Variants in GRM5 observed in about 807,000 individuals in gnomAD.
GRM5 encodes the protein metabotropic glutamate receptor 5.
GRM5 carries 19 observed loss-of-function variants against 83.1 expected under a neutral mutation model. That is an observed-to-expected ratio of 0.23 (90% confidence interval 0.16 to 0.34). GRM5 has a LOEUF of 0.34. Ranked by LOEUF, GRM5 falls within the 10% of genes least tolerant of loss-of-function variation. The pLI, the probability that GRM5 is intolerant of heterozygous loss-of-function variation, is 1.00. For missense variants in GRM5, 1,160 were observed against 1,588.3 expected (o/e 0.73, Z 4.58); for synonymous variants, 675 against 633.6 (o/e 1.07, Z -0.98).
At chr11:88,612,832 C>A (rs138227931) in intron 4 of GRM5, 1 of 152,236 alleles carries the variant, frequency 6.6e-6, no homozygotes, top group African/African-American at 2.4e-5. Flanking sequence ...CACAAATTTG[C>A]GTGTCATCCT....
chr11:89,064,659 A>G (rs1389812389), intron 1 of GRM5, among the ~76,000 whole-genome samples: 2 of 151,948 alleles, frequency 1.3e-5, no homozygotes, highest in African/African-American at 4.8e-5. Context: ...CAATAGAGAA[A>G]CTGAGTACAT....
chr11:88,548,795 A>G (rs1276521181), intron 8 of GRM5, among the ~76,000 whole-genome samples: 1 of 152,188 alleles, frequency 6.6e-6, no homozygotes, highest in Non-Finnish European at 1.5e-5. Flanking sequence ...ATGAACTACT[A>G]TTGAGTGTTG....
At chr11:88,819,983 C>A (rs1943758419) in intron 3 of GRM5, among the ~76,000 whole-genome samples, 1 of 152,144 alleles carries the variant, frequency 6.6e-6, no homozygotes, top group African/African-American at 2.4e-5. Flanking sequence ...GAGCTCAAAG[C>A]CCTTATGACC....
intron 3 of GRM5, among the ~76,000 whole-genome samples, chr11:88,735,468 A>G (rs542672657): frequency 2.0e-5 from 3 of 152,086 alleles, no homozygotes; most frequent in East Asian, 1.9e-4. Flanking sequence ...CCACATAGCA[A>G]TCTGCAATAA....
chr11:88,668,292 A>AACACACAC (rs1297146419), intron 3 of GRM5, among the ~76,000 whole-genome samples: 1 of 90,142 alleles, frequency 1.1e-5, no homozygotes, highest in Non-Finnish European at 2.3e-5. Context: ...CATCCCCAGA[A>AACACACAC]ACTCGCACAC....
At chr11:88,624,998 T>G (rs1347201626) in intron 4 of GRM5, among the ~76,000 whole-genome samples, 1 of 152,198 alleles carries the variant, frequency 6.6e-6, no homozygotes, top group Non-Finnish European at 1.5e-5. Flanking sequence ...TTTACTTATG[T>G]GATACAGTCT....
At chr11:88,721,852 G>C (rs1222850397) in intron 3 of GRM5, among the ~76,000 whole-genome samples, 1 of 152,126 alleles carries the variant, frequency 6.6e-6, no homozygotes, top group Non-Finnish European at 1.5e-5. Flanking sequence ...GGAAAAGACA[G>C]CTTTTGTTCT....
rs965604234 is a variant in GRM5 at position 88,505,943 on chromosome 11, G to C, written c.*2649C>G. The C allele has an allele frequency of 1.3e-5, 2 of 152,036 alleles. No homozygotes were observed. Among genetic ancestry groups the C allele is most frequent in the Non-Finnish European group, 2.9e-5 (2 of 67,986 alleles). 9.4% of individuals were successfully genotyped at this position (152,036 alleles called of 1,614,324 possible). ...ACTGTAGAGTTATTACTTGGAACCT[G>C]GTATTAGAATTGGCAAAGAGACAGA... is the stretch of plus-strand genomic sequence containing the variant. On this transcript the variant is annotated 3_prime_UTR_variant, in exon 10 of 10. Transcript: ENST00000305447.
At chr11:88,695,277 T>C (rs1454393379) in intron 3 of GRM5, among the ~76,000 whole-genome samples, 1 of 152,192 alleles carries the variant, frequency 6.6e-6, no homozygotes, top group East Asian at 1.9e-4. Context: ...TAATATGCAG[T>C]TCTTAGATGT....
intron 3 of GRM5, among the ~76,000 whole-genome samples, chr11:88,723,013 A>G (rs895079222): frequency 4.6e-5 from 7 of 152,026 alleles, no homozygotes; most frequent in African/African-American, 1.7e-4. Flanking sequence ...TGCCCTGCCC[A>G]TTCATCCTTC....
At position 88,890,888 on chromosome 11, in the gene GRM5, G is replaced by T. The variant is rs866998568; in HGVS notation, c.662-40733C>A. On this transcript the variant is annotated intron_variant, in intron 2 of 9. Transcript: ENST00000305447. Reference sequence around the variant, plus strand: ...TTGAGATCACTGAACAGTTTTAAAGGCAAGGTGTATAAAAACAGTAAAATG... The same window carrying T: ...TTGAGATCACTGAACAGTTTTAAAGTCAAGGTGTATAAAAACAGTAAAATG... 1.3e-3 allele frequency among the ~76,000 whole-genome samples: 203 copies of T among 152,184 alleles called. 11 individuals are homozygous for T. The highest frequency in any genetic ancestry group is 6.8e-3 in the Middle Eastern group (2 of 294).
intron 4 of GRM5, among the ~76,000 whole-genome samples, chr11:88,625,422 T>C (rs1340028075): frequency 6.6e-6 from 1 of 152,200 alleles, no homozygotes; most frequent in Non-Finnish European, 1.5e-5. Context: ...CAAATTATTA[T>C]ACAAAGAGTA....
At chr11:88,616,609 GA>G (rs1938493559) in intron 4 of GRM5, among the ~76,000 whole-genome samples, 1 of 152,026 alleles carries the variant, frequency 6.6e-6, no homozygotes, top group African/African-American at 2.4e-5. Context: ...TAATGGATAG[GA>G]TGTGGAGTGT....
At chr11:88,997,865 T>C (rs1940241210) in intron 2 of GRM5, among the ~76,000 whole-genome samples, 1 of 152,186 alleles carries the variant, frequency 6.6e-6, no homozygotes, top group African/African-American at 2.4e-5. Context: ...TGGAGAAATT[T>C]ATCAAGCATT....
intron 2 of GRM5, among the ~76,000 whole-genome samples, chr11:88,916,433 A>G (rs573562656): frequency 1.3e-5 from 2 of 152,226 alleles, no homozygotes; most frequent in East Asian, 3.9e-4. Flanking sequence ...AATGCAAGGC[A>G]GAATTCAGCC....
At chr11:88,883,746 C>A (rs1465291919) in intron 2 of GRM5, among the ~76,000 whole-genome samples, 1 of 152,102 alleles carries the variant, frequency 6.6e-6, no homozygotes, top group Non-Finnish European at 1.5e-5. Context: ...AATGGGCAGA[C>A]CCCAGGGCCC....
At chr11:88,650,444 A>G (rs1939600791) in intron 4 of GRM5, among the ~76,000 whole-genome samples, 2 of 151,962 alleles carry the variant, frequency 1.3e-5, no homozygotes, top group Admixed American at 1.3e-4. Context: ...CATGAAAAGG[A>G]GCTTAACTTT....
chr11:88,642,643 T>C (rs1029156227), intron 4 of GRM5, among the ~76,000 whole-genome samples: 7 of 152,186 alleles, frequency 4.6e-5, no homozygotes, highest in African/African-American at 1.7e-4. Context: ...AGGCTACATC[T>C]TGAACACTTT....
At chr11:88,751,086 A>AAAAAAAAAAC (rs1420475453) in intron 3 of GRM5, among the ~76,000 whole-genome samples, 1 of 148,336 alleles carries the variant, frequency 6.7e-6, no homozygotes, top group Non-Finnish European at 1.5e-5. Flanking sequence ...AAAAAAAAAA[A>AAAAAAAAAAC]AAAAAAAAAC....
Sources: gnomAD v4.1 joint callset for allele counts (sites outside exome capture counted in the v4.1 genomes callset) on GRCh38, gnomAD v4.1.1 for gene constraint, MANE v1.5 for transcripts, NCBI Gene and HGNC (gene_info 2026-07-23, HGNC 2026-07-21) for gene names.